The following BMPR1B variants were observed in gnomAD, a reference collection of about 807,000 sequenced individuals.
BMPR1B encodes bone morphogenetic protein receptor type-1B.
A neutral mutation model predicts 59.1 loss-of-function variants in BMPR1B; 12 were observed. The observed-to-expected ratio is 0.20, with a 90% CI of 0.13 to 0.33. The LOEUF (loss-of-function observed/expected upper bound fraction) is 0.33. BMPR1B is among the 10% of genes least tolerant of loss of function. The probability of loss-of-function intolerance (pLI) is 1.00; values close to 1 mark genes in which losing one functional copy is unlikely to be tolerated. For synonymous variants in BMPR1B, 237 were observed against 207.3 expected (o/e 1.14, Z -1.23); for missense variants, 550 against 610.9 (o/e 0.90, Z 1.05).
At chr4:94,867,403 AT>A (rs1158125529) in intron 1 of BMPR1B, among the ~76,000 whole-genome samples, 1 of 152,318 alleles carries the variant, frequency 6.6e-6, no homozygotes, top group East Asian at 1.9e-4. Flanking sequence ...TTTCTGAGTG[AT>A]GTCACCAGAT....
At chr4:95,002,253 A>G (rs778264845) in intron 3 of BMPR1B, among the ~76,000 whole-genome samples, 3 of 152,174 alleles carry the variant, frequency 2.0e-5, no homozygotes, top group African/African-American at 4.8e-5. Context: ...TTGTGTTCCT[A>G]TATTAATTCA....
chr4:95,091,637 G>C (rs1300363599), intron 3 of BMPR1B: 1 of 984,992 alleles, frequency 1.0e-6, no homozygotes, highest in African/African-American at 1.7e-5. Context: ...AGTGAGTAGT[G>C]GGAGAAGCTT....
chr4:94,805,726 T>C (rs866556326), intron 1 of BMPR1B, among the ~76,000 whole-genome samples: 13 of 152,206 alleles, frequency 8.5e-5, no homozygotes, highest in South Asian at 2.1e-4. Flanking sequence ...GGGAAAGCAG[T>C]GTGAATGTAG....
chr4:95,134,154 A>C (rs1199186001), intron 10 of BMPR1B, among the ~76,000 whole-genome samples: 1 of 152,182 alleles, frequency 6.6e-6, no homozygotes, highest in Admixed American at 6.5e-5. Context: ...TAGTTTGCTC[A>C]GAATGATGGT....
At chr4:94,849,196 A>T (rs1725469888) in intron 1 of BMPR1B, among the ~76,000 whole-genome samples, 1 of 152,224 alleles carries the variant, frequency 6.6e-6, no homozygotes, top group African/African-American at 2.4e-5. Context: ...TGAGCAAAGG[A>T]GAATGAGAAA....
At chr4:94,828,867 A>G (rs553572803) in intron 1 of BMPR1B, among the ~76,000 whole-genome samples, 1 of 152,314 alleles carries the variant, frequency 6.6e-6, no homozygotes, top group East Asian at 1.9e-4. Flanking sequence ...AACATAGTTT[A>G]AAAAATAAAG....
At chr4:94,821,764 G>A (rs1724219120) in intron 1 of BMPR1B, among the ~76,000 whole-genome samples, 1 of 152,180 alleles carries the variant, frequency 6.6e-6, no homozygotes, top group South Asian at 2.1e-4. Context: ...ATGCTTTCTT[G>A]TTGAAGTCTG....
intron 1 of BMPR1B, among the ~76,000 whole-genome samples, chr4:94,861,624 A>G (rs1015208912): frequency 6.6e-6 from 1 of 152,188 alleles, no homozygotes; most frequent in African/African-American, 2.4e-5. Context: ...AAACATATAC[A>G]TATATGACCA....
intron 1 of BMPR1B, among the ~76,000 whole-genome samples, chr4:94,760,597 G>C (rs1000008098): frequency 3.9e-5 from 6 of 152,178 alleles, no homozygotes; most frequent in African/African-American, 4.8e-5. Context: ...GAGCCTTCCT[G>C]ATTTTCAGAA....
chr4:95,070,913 C>T (rs1579027798), intron 3 of BMPR1B, among the ~76,000 whole-genome samples: 1 of 152,098 alleles, frequency 6.6e-6, no homozygotes, highest in Admixed American at 6.5e-5. Context: ...GCCTCAAACT[C>T]TTTATTTTGC....
chr4:94,820,598 C>G (rs1226588825), intron 1 of BMPR1B, among the ~76,000 whole-genome samples: 3 of 152,208 alleles, frequency 2.0e-5, no homozygotes, highest in African/African-American at 7.2e-5. Context: ...GAAGCCTTTT[C>G]TCTGAGGACT....
chr4:94,836,207 A>C (rs935100154), intron 1 of BMPR1B, among the ~76,000 whole-genome samples: 14 of 150,760 alleles, frequency 9.3e-5, no homozygotes, highest in South Asian at 2.1e-4. Context: ...GTGAATAGTG[A>C]CGCAATAAAC....
At chr4:94,997,380 A>G (rs1324476458) in intron 3 of BMPR1B, among the ~76,000 whole-genome samples, 1 of 152,204 alleles carries the variant, frequency 6.6e-6, no homozygotes, top group Non-Finnish European at 1.5e-5. Flanking sequence ...AGCCCATTCT[A>G]AAATAGGATA....
At chr4:94,892,461 G>T (rs954910971) in intron 2 of BMPR1B, among the ~76,000 whole-genome samples, 4 of 152,022 alleles carry the variant, frequency 2.6e-5, no homozygotes, top group Admixed American at 2.0e-4. Context: ...GCTGTTGTTT[G>T]TTCATATATA....
chr4:94,998,523 G>A (rs1198834519), intron 3 of BMPR1B, among the ~76,000 whole-genome samples: 4 of 151,818 alleles, frequency 2.6e-5, no homozygotes, highest in African/African-American at 7.3e-5. Context: ...ACAGACATGC[G>A]CCACCATTCC....
chr4:94,771,864 T>G (rs1390264018), intron 1 of BMPR1B, among the ~76,000 whole-genome samples: 1 of 152,174 alleles, frequency 6.6e-6, no homozygotes, highest in East Asian at 1.9e-4. Context: ...TTGAAATCAG[T>G]TGATAATGTC....
chr4:95,112,694 T>C (rs1731714428), intron 4 of BMPR1B, among the ~76,000 whole-genome samples: 5 of 152,098 alleles, frequency 3.3e-5, no homozygotes, highest in Admixed American at 2.6e-4. Flanking sequence ...CCTCTTTATA[T>C]TTTTAGCTCC....
Position 95,155,934 on chromosome 4 carries a change from G to T in BMPR1B, c.*1261G>T, listed in dbSNP as rs1579178086. 1 of 152,088 alleles carries T rather than the reference G, an allele frequency of 6.6e-6. No homozygotes were observed. Among genetic ancestry groups the T allele is most frequent in the East Asian group, 1.9e-4 (1 of 5,196 alleles). 9.4% of individuals were successfully genotyped at this position (152,088 alleles called of 1,614,324 possible). A position where few individuals can be genotyped will look rare whatever the true frequency, so the allele number is the denominator to read the frequency against. ...TTAGTAGAGGCCACAAACTGTTATG[G>T]GCTGCTGTGTTTTGTTCTAAAATCA... On this transcript the variant is annotated 3_prime_UTR_variant, in exon 13 of 13. Coordinates refer to ENST00000515059, the MANE Select transcript of BMPR1B (RefSeq NM_001203.3).
intron 2 of BMPR1B, among the ~76,000 whole-genome samples, chr4:94,925,791 T>G (rs1728861978): frequency 6.6e-6 from 1 of 152,294 alleles, no homozygotes; most frequent in Non-Finnish European, 1.5e-5. Flanking sequence ...TTTTTAAAGC[T>G]GAATGAGTTG....
Sources: gnomAD v4.1 joint callset for allele counts (sites outside exome capture counted in the v4.1 genomes callset) on GRCh38, gnomAD v4.1.1 for gene constraint, MANE v1.5 for transcripts, NCBI Gene and HGNC (gene_info 2026-07-23, HGNC 2026-07-21) for gene names.